Variants in TMEM132D observed in about 807,000 individuals in gnomAD.
TMEM132D encodes the protein transmembrane protein 132D, also known as mature OL transmembrane protein.
A neutral mutation model predicts 62.3 loss-of-function variants in TMEM132D; 21 were observed. That is an observed-to-expected ratio of 0.34 (90% CI 0.24 to 0.49). TMEM132D has a LOEUF of 0.49. TMEM132D is among the 20% of genes least tolerant of loss of function. The probability of loss-of-function intolerance (pLI) is 0.99; values close to 1 mark genes in which losing one functional copy is unlikely to be tolerated. For missense variants in TMEM132D, 1,346 were observed against 1,402.8 expected (o/e 0.96, Z 0.65); for synonymous variants, 621 against 575.6 (o/e 1.08, Z -1.13).
intron 5 of TMEM132D, among the ~76,000 whole-genome samples, chr12:129,097,447 G>C (rs866867995): frequency 8.5e-5 from 13 of 152,134 alleles, no homozygotes; most frequent in Non-Finnish European, 1.8e-4. Context: ...ACATATTTAT[G>C]AACATTTACA....
rs116613127 is a variant in TMEM132D at position 129,327,695 on chromosome 12, T to A, written c.1299+9939A>T. 1.5e-3 allele frequency among the ~76,000 whole-genome samples: 222 copies of A among 152,286 alleles called. 1 individual carries two copies. The highest frequency in any genetic ancestry group is 5.1e-3 in the African/African-American group (211 of 41,582). On this transcript the variant is annotated intron_variant, in intron 4 of 8. Transcript: ENST00000422113. ...CTTCCACTTATCTTCACCATCCCCA[T>A]CATCACCCTATTCCAAGTTGTCATC...
intron 2 of TMEM132D, among the ~76,000 whole-genome samples, chr12:129,615,758 T>C (rs1005583600): frequency 6.7e-6 from 1 of 148,814 alleles, no homozygotes; most frequent in Non-Finnish European, 1.5e-5. Flanking sequence ...AGCAAGACTC[T>C]GTCTCAATAA....
chr12:129,446,129 G>C (rs1231182632), intron 3 of TMEM132D, among the ~76,000 whole-genome samples: 1 of 152,118 alleles, frequency 6.6e-6, no homozygotes, highest in East Asian at 1.9e-4. Context: ...GGTTCTCAAT[G>C]CTTCTAGCAG....
intron 2 of TMEM132D, among the ~76,000 whole-genome samples, chr12:129,648,864 A>AAT (rs1555223597): frequency 1.3e-5 from 2 of 152,100 alleles, no homozygotes; most frequent in South Asian, 2.1e-4. Context: ...TTTATAAAAA[A>AAT]ATATATATAT....
intron 5 of TMEM132D, among the ~76,000 whole-genome samples, chr12:129,134,103 G>GTA (rs1876467343): frequency 8.5e-6 from 1 of 117,918 alleles, no homozygotes; most frequent in Non-Finnish European, 1.9e-5. Flanking sequence ...TGTGTGTGTT[G>GTA]TGTGTCTGTG....
At chr12:129,783,473 G>A (rs556227712) in intron 1 of TMEM132D, among the ~76,000 whole-genome samples, 65 of 152,272 alleles carry the variant, frequency 4.3e-4, no homozygotes, top group African/African-American at 1.6e-3. Flanking sequence ...CCCATCTGAT[G>A]GTGTTGGACT....
intron 3 of TMEM132D, among the ~76,000 whole-genome samples, chr12:129,346,202 C>T (rs1276514835): frequency 6.6e-6 from 1 of 152,102 alleles, no homozygotes; most frequent in African/African-American, 2.4e-5. Context: ...TCCATTTCTT[C>T]TAGATTTTCT....
chr12:129,548,894 C>T (rs1876813395), intron 2 of TMEM132D, among the ~76,000 whole-genome samples: 1 of 152,220 alleles, frequency 6.6e-6, no homozygotes, highest in Admixed American at 6.5e-5. Flanking sequence ...AAAAAGCTTC[C>T]AAAGACTGGA....
chr12:129,742,031 T>C (rs1869626610), intron 1 of TMEM132D, among the ~76,000 whole-genome samples: 1 of 152,166 alleles, frequency 6.6e-6, no homozygotes, highest in Non-Finnish European at 1.5e-5. Flanking sequence ...TGCAAAATAA[T>C]GGCCCCAAGT....
chr12:129,493,282 C>T (rs1261769534), intron 3 of TMEM132D, among the ~76,000 whole-genome samples: 1 of 152,214 alleles, frequency 6.6e-6, no homozygotes, highest in African/African-American at 2.4e-5. Context: ...ACAATTAATA[C>T]AACCCACTTT....
chr12:129,261,584 C>G (rs1243178880), intron 4 of TMEM132D, among the ~76,000 whole-genome samples: 1 of 152,156 alleles, frequency 6.6e-6, no homozygotes, highest in Non-Finnish European at 1.5e-5. Context: ...CTAATACAGA[C>G]TGGATGATTT....
At chr12:129,302,695 G>A (rs1056530475) in intron 4 of TMEM132D, among the ~76,000 whole-genome samples, 3 of 152,212 alleles carry the variant, frequency 2.0e-5, no homozygotes, top group African/African-American at 7.2e-5. Flanking sequence ...CATGGCAGAA[G>A]CACCAGAGGG....
At chr12:129,420,962 C>CTT (rs770659851) in intron 3 of TMEM132D, among the ~76,000 whole-genome samples, 12,621 of 134,290 alleles carry the variant, frequency 0.094, 908 homozygotes, top group East Asian at 0.32. Flanking sequence ...GTAGATCTAC[C>CTT]TTTTTTTTTT....
intron 1 of TMEM132D, among the ~76,000 whole-genome samples, chr12:129,814,114 A>G (rs1403176204): frequency 6.6e-6 from 1 of 152,094 alleles, no homozygotes; most frequent in Non-Finnish European, 1.5e-5. Context: ...AGACATACAA[A>G]CACTGCATGT....
At chr12:129,370,634 G>T (rs1445944880) in intron 3 of TMEM132D, among the ~76,000 whole-genome samples, 1 of 152,176 alleles carries the variant, frequency 6.6e-6, no homozygotes, top group Non-Finnish European at 1.5e-5. Flanking sequence ...ATCAACCTAA[G>T]TGTTCATTAA....
At chr12:129,308,142 A>G (rs771593719) in intron 4 of TMEM132D, among the ~76,000 whole-genome samples, 10 of 152,134 alleles carry the variant, frequency 6.6e-5, no homozygotes, top group Non-Finnish European at 1.5e-4. Context: ...TGATCTTCCA[A>G]ATGAAGGATT....
At chr12:129,380,225 A>G (rs1334937987) in intron 3 of TMEM132D, among the ~76,000 whole-genome samples, 1 of 152,242 alleles carries the variant, frequency 6.6e-6, no homozygotes, top group Non-Finnish European at 1.5e-5. Context: ...ATACAAATGC[A>G]TACTAAACTG....
At chr12:129,289,540 A>G (rs1414132868) in intron 4 of TMEM132D, among the ~76,000 whole-genome samples, 2 of 139,398 alleles carry the variant, frequency 1.4e-5, no homozygotes, top group Admixed American at 7.4e-5. Flanking sequence ...GTGAAATTCC[A>G]TCTCAATAAA....
chr12:129,105,745 A>G (rs1323267887), intron 5 of TMEM132D, among the ~76,000 whole-genome samples: 2 of 151,394 alleles, frequency 1.3e-5, no homozygotes, highest in East Asian at 3.9e-4. Context: ...TAGGATGGCA[A>G]TCATTAAAAA....
Sources: allele counts gnomAD v4.1 joint callset (sites outside exome capture counted in the v4.1 genomes callset), GRCh38; gene constraint gnomAD v4.1.1; transcripts MANE v1.5; gene names NCBI Gene and HGNC (gene_info 2026-07-23, HGNC 2026-07-21).